Variants in UNC5B observed in about 807,000 individuals in gnomAD.
UNC5B encodes netrin receptor UNC5B.
In UNC5B, 56 loss-of-function variants were observed where a neutral mutation model predicts 103.7. That is an observed-to-expected ratio of 0.54 (90% CI 0.44 to 0.67). The LOEUF is 0.67. Ranked by LOEUF, UNC5B falls within the 30% of genes least tolerant of loss-of-function variation. The probability of loss-of-function intolerance (pLI) is 0.00; values close to 1 mark genes in which losing one functional copy is unlikely to be tolerated. For missense variants in UNC5B, 1,194 were observed against 1,284.5 expected, an observed-to-expected ratio of 0.93 and a Z score of 1.08; for synonymous variants, 577 against 542.0, an observed-to-expected ratio of 1.06 and a Z score of -0.90.
chr10:71,302,591 A>T lies in UNC5B; in HGVS notation c.*3314A>T, dbSNP rs893645736. The T allele has an allele frequency of 1.3e-5, 2 of 151,928 alleles. No individual in the cohort carries two copies. Among genetic ancestry groups the T allele is most frequent in the Non-Finnish European group, 2.9e-5 (2 of 67,998 alleles). 9.4% of individuals were successfully genotyped at this position (151,928 alleles called of 1,614,324 possible). Reference sequence around the variant, plus strand: ...GACCCTCCAGGGCACTCTGGTCCCTATTCCCCAGCTCCTAGGCAGCTGAGC... The same window carrying T: ...GACCCTCCAGGGCACTCTGGTCCCTTTTCCCCAGCTCCTAGGCAGCTGAGC... On this transcript the variant is annotated 3_prime_UTR_variant, in exon 17 of 17. Transcript: ENST00000335350.
chr10:71,295,342 CCATCCATCCATCTGTCCATCTGTT>C (rs368768045), intron 13 of UNC5B, among the ~76,000 whole-genome samples: 5,826 of 152,272 alleles, frequency 0.038, 207 homozygotes, highest in African/African-American at 0.093. Context: ...ATTCAACCCT[CCATCCATCCATCTGTCCATCTGTT>C]CATCCATCCA....
At chr10:71,259,974 G>A (rs1844377621) in intron 1 of UNC5B, among the ~76,000 whole-genome samples, 1 of 152,248 alleles carries the variant, frequency 6.6e-6, no homozygotes, top group African/African-American at 2.4e-5. Flanking sequence ...GAACAGCACA[G>A]TTTGGGTTTA....
chr10:71,215,857 G>T (rs1389287457), intron 1 of UNC5B, among the ~76,000 whole-genome samples: 1 of 151,710 alleles, frequency 6.6e-6, no homozygotes, highest in African/African-American at 2.4e-5. Flanking sequence ...GCGTGCATGC[G>T]CCTGTGCACA....
rs1482558441 is a variant in UNC5B, at chr10:71,291,413, A to G, written c.1295-19A>G. 3.2e-6 allele frequency: 5 copies of G among 1,578,706 alleles called. No individual in the cohort carries two copies. In the African/African-American group the frequency reaches 5.4e-5, roughly 17 times the overall value. On this transcript the variant is annotated intron_variant, in intron 9 of 16. Coordinates refer to ENST00000335350, the MANE Select transcript of UNC5B (RefSeq NM_170744.5). ...AGCTGAGGCACAGCTGGGTCTGACT[A>G]TAGCCCCTACTCCTGCAGGCAACCC...
chr10:71,298,096 T>C lies in UNC5B; in HGVS notation c.2672+6T>C. The C allele has an allele frequency of 6.3e-7, 1 of 1,597,350 alleles. No individual in the cohort carries two copies. The highest frequency in any genetic ancestry group is 8.5e-7 in the Non-Finnish European group (1 of 1,172,366). On this transcript the variant is annotated splice_donor_region_variant and intron_variant, in intron 16 of 16. Transcript: ENST00000335350. ...CAGAAGCTCTCTATGGACCGGTGAG[T>C]ATCCCAAACCACAGCCCATCCCCAT...
chr10:71,245,747 G>A (rs1015076389), intron 1 of UNC5B, among the ~76,000 whole-genome samples: 4 of 152,178 alleles, frequency 2.6e-5, no homozygotes, highest in African/African-American at 9.7e-5. Context: ...CTGGAGATGG[G>A]TCTGGCCCTC....
At chr10:71,262,262 C>G (rs1844430590) in intron 1 of UNC5B, among the ~76,000 whole-genome samples, 1 of 152,084 alleles carries the variant, frequency 6.6e-6, no homozygotes, top group Non-Finnish European at 1.5e-5. Flanking sequence ...CCCCTCATTA[C>G]CGGAGCCTGG....
intron 15 of UNC5B, among the ~76,000 whole-genome samples, chr10:71,297,589 T>C (rs1845474237): frequency 6.6e-6 from 1 of 152,246 alleles, no homozygotes; most frequent in African/African-American, 2.4e-5. Flanking sequence ...GACTTCACTT[T>C]CCACCTGTAC....
At chr10:71,236,979 C>T (rs774346809) in intron 1 of UNC5B, among the ~76,000 whole-genome samples, 5 of 152,224 alleles carry the variant, frequency 3.3e-5, no homozygotes, top group Non-Finnish European at 7.3e-5. Flanking sequence ...GTGAGCTCCA[C>T]GGCTGGGATG....
intron 1 of UNC5B, among the ~76,000 whole-genome samples, chr10:71,273,276 C>A (rs926758588): frequency 4.6e-5 from 7 of 152,240 alleles, no homozygotes; most frequent in African/African-American, 1.4e-4. Flanking sequence ...GCAGGAACTG[C>A]TAGTCACTTC....
At chr10:71,267,578 G>C (rs1160273549) in intron 1 of UNC5B, among the ~76,000 whole-genome samples, 1 of 152,208 alleles carries the variant, frequency 6.6e-6, no homozygotes, top group East Asian at 1.9e-4. Flanking sequence ...AAAATTTGCT[G>C]TGAGCTTCCC....
At chr10:71,232,211 A>G (rs550261895) in intron 1 of UNC5B, among the ~76,000 whole-genome samples, 1 of 152,344 alleles carries the variant, frequency 6.6e-6, no homozygotes, top group African/African-American at 2.4e-5. Context: ...ACAGCCCCCC[A>G]GCACCTCCTT....
At chr10:71,266,796 G>C (rs1346182114) in intron 1 of UNC5B, among the ~76,000 whole-genome samples, 1 of 152,122 alleles carries the variant, frequency 6.6e-6, no homozygotes, top group Non-Finnish European at 1.5e-5. Flanking sequence ...GTTACCCATG[G>C]CCAACTGTGA....
At chr10:71,270,986 C>T (rs149462732) in intron 1 of UNC5B, among the ~76,000 whole-genome samples, 7 of 152,268 alleles carry the variant, frequency 4.6e-5, no homozygotes, top group Middle Eastern at 6.8e-3. Context: ...GTGGATGTAA[C>T]CTGGCTGGGC....
Position 71,293,483 on chromosome 10 carries a change from C to A in UNC5B, c.1851C>A (p.Pro617=). 6.2e-7 allele frequency: 1 copy of A among 1,614,102 alleles called. No homozygotes were observed. Among genetic ancestry groups the A allele is most frequent in the East Asian group, 2.2e-5 (1 of 44,876 alleles). ...CCACAGGCCTCCTGCTGTGCCGCCC[C>A]GTCATCCTCACCATGCCCCACTGTG... ...CGPTGLLLCR[P]VILTMPHCAE... The change falls in exon 12 of 17, where the codon CCC becomes CCA. Residue 617 remains proline (P), a synonymous_variant. Coordinates refer to ENST00000335350, the MANE Select transcript of UNC5B (RefSeq NM_170744.5).
intron 1 of UNC5B, among the ~76,000 whole-genome samples, chr10:71,245,934 C>T (rs1051216547): frequency 6.6e-6 from 1 of 152,228 alleles, no homozygotes; most frequent in East Asian, 1.9e-4. Flanking sequence ...ACTGGTGATA[C>T]ACCGCCAGCA....
At chr10:71,296,251 A>G (rs1845409553) in intron 14 of UNC5B, among the ~76,000 whole-genome samples, 1 of 152,178 alleles carries the variant, frequency 6.6e-6, no homozygotes, top group South Asian at 2.1e-4. Context: ...CCTTCAGGGC[A>G]TGCCCTCCTG....
intron 9 of UNC5B, 93 bp from the exon 10 acceptor site, chr10:71,291,339 T>C: frequency 3.3e-6 from 5 of 1,516,078 alleles, no homozygotes; most frequent in Non-Finnish European, 4.4e-6. Context: ...ATTGGGCCTT[T>C]CACAGCTGGA....
At chr10:71,229,289 G>T (rs1218787518) in intron 1 of UNC5B, among the ~76,000 whole-genome samples, 1 of 152,198 alleles carries the variant, frequency 6.6e-6, no homozygotes, top group Non-Finnish European at 1.5e-5. Flanking sequence ...CAGATCAGCT[G>T]GTCTGCTGGA....
Sources: allele counts gnomAD v4.1 joint callset (sites outside exome capture counted in the v4.1 genomes callset), GRCh38; gene constraint gnomAD v4.1.1; transcripts MANE v1.5; gene names NCBI Gene and HGNC (gene_info 2026-07-23, HGNC 2026-07-21).